LYPD8: variants seen among roughly 807,000 people sequenced by gnomAD.
LYPD8 encodes the protein LY6/PLAUR domain containing 8.
LYPD8 carries 8 observed loss-of-function variants against 1.7 expected under a neutral mutation model. That is an observed-to-expected ratio of 4.58 (90% CI 2.69 to 8.27). The LOEUF (loss-of-function observed/expected upper bound fraction) is 8.27, where lower values mean the gene tolerates loss of function less well. Ranked by LOEUF, LYPD8 falls within the 30% of genes most tolerant of loss-of-function variation. The pLI is 0.00. For synonymous variants in LYPD8, 50 were observed against 43.6 expected, an observed-to-expected ratio of 1.15 and a Z score of -0.58; for missense variants, 112 against 102.3, an observed-to-expected ratio of 1.09 and a Z score of -0.41.
In LYPD8 at chr1:248,739,627, CGAA is replaced by C. The variant is rs1286184230; in HGVS notation, c.695_697del (p.Leu232del). 5 of 1,551,524 alleles carry C rather than the reference CGAA, an allele frequency of 3.2e-6. No individual in the cohort carries two copies. The Admixed American group carries it at 5.9e-5, about 18-fold the overall frequency. ...CCCAGGACCTCAGGGCAGCAGTCCC[CGAA>C]GAAGGAGGCTGGCAAGGGCCAAGAG... On this transcript the variant is annotated inframe_deletion, in exon 7 of 7. Coordinates refer to ENST00000590317, the MANE Select transcript of LYPD8 (RefSeq NM_001085474.2). This position sits in a 1 kb window ranked among gnomAD's most constrained non-coding sequence, Gnocchi z 4.3.
intron 2 of LYPD8, among the ~76,000 whole-genome samples, chr1:248,752,885 C>T (rs1183577543): frequency 1.6e-5 from 2 of 122,788 alleles, no homozygotes; most frequent in Non-Finnish European, 3.3e-5. Flanking sequence ...CCCCACACAA[C>T]ACATACACAC....
chr1:248,743,064 A>G (rs1662645634), intron 6 of LYPD8, among the ~76,000 whole-genome samples: 1 of 150,040 alleles, frequency 6.7e-6, no homozygotes, highest in African/African-American at 2.5e-5. Flanking sequence ...GCAGCGGGGG[A>G]GGTTATGCGT....
intron 2 of LYPD8, 21 bp from the exon 3 acceptor site, chr1:248,751,151 C>T (rs1358563906): frequency 2.3e-5 from 9 of 398,564 alleles, no homozygotes; most frequent in African/African-American, 1.8e-4. Flanking sequence ...ACAAAGAAGG[C>T]AGCCCCGGGG....
Position 248,752,939 on chromosome 1 carries a change from C to T in LYPD8, c.-49-1809G>A, listed in dbSNP as rs1439790724. Among the ~76,000 whole-genome samples the T allele has an allele frequency of 2.5e-3, 254 of 101,194 alleles. 14 individuals are homozygous for T. The highest frequency in any genetic ancestry group is 0.01 in the African/African-American group (219 of 21,810). The allele number at this position is 101,194 out of a possible 152,430, so 66.4% of individuals were successfully genotyped here. A position where few individuals can be genotyped will look rare whatever the true frequency, so the allele number is the denominator to read the frequency against. On this transcript the variant is annotated intron_variant, in intron 2 of 6. Transcript: ENST00000590317. ...ACCAACACACCACATCACACACACA[C>T]CACATCACACACACACCAAACACCC...
chr1:248,750,467 C>A (rs957464966), intron 4 of LYPD8, 57 bp downstream of exon 4: 236 of 398,434 alleles, frequency 5.9e-4, no homozygotes, highest in Non-Finnish European at 7.8e-4. Flanking sequence ...ATGTCCTCTC[C>A]AGCTCCCTCC....
intron 6 of LYPD8, among the ~76,000 whole-genome samples, chr1:248,742,671 C>G (rs868964106): frequency 1.6e-4 from 7 of 43,984 alleles, no homozygotes; most frequent in African/African-American, 4.3e-4. Context: ...TGTTGGCAGC[C>G]GGGGAGATTA....
chr1:248,744,524 A>C (rs1662689401), intron 6 of LYPD8, among the ~76,000 whole-genome samples: 1 of 151,752 alleles, frequency 6.6e-6, no homozygotes, highest in Admixed American at 6.5e-5. Flanking sequence ...GTAGCGTCAA[A>C]TGTGGATCTC....
At chr1:248,752,849 AC>A (rs1662835487) in intron 2 of LYPD8, among the ~76,000 whole-genome samples, 15 of 102,088 alleles carry the variant, frequency 1.5e-4, no homozygotes, top group African/African-American at 6.5e-4. Flanking sequence ...CCACACACAC[AC>A]ACCACACCAC....
Position 248,743,073 on chromosome 1 carries a change from G to A in LYPD8, c.475+2069C>T, listed in dbSNP as rs567917010. ...ATGTTGGCAGCGGGGGAGGTTATGC[G>A]TGTCAGGTAGATGAGAAATTTCTAT... On this transcript the variant is annotated intron_variant, in intron 6 of 6. Transcript: ENST00000590317. Among the ~76,000 whole-genome samples the A allele has an allele frequency of 9.9e-5, 15 of 151,854 alleles. No individual in the cohort carries two copies. In the South Asian group the frequency reaches 1.7e-3, roughly 17 times the overall value.
intron 5 of LYPD8, among the ~76,000 whole-genome samples, chr1:248,746,540 G>C (rs1662728818): frequency 6.6e-6 from 1 of 152,262 alleles, no homozygotes; most frequent in African/African-American, 2.4e-5. Context: ...ACACAGGAAG[G>C]CAGGAAGGCT....
rs1246026966 is a variant in LYPD8 at position 248,753,368 on chromosome 1, TACACACC to T, written c.-50+1864_-50+1870del. 8.0e-3 allele frequency among the ~76,000 whole-genome samples: 340 copies of T among 42,524 alleles called. 2 individuals are homozygous for T. Among genetic ancestry groups the T allele is most frequent in the East Asian group, 0.026 (30 of 1,166 alleles). 27.9% of individuals were successfully genotyped at this position (42,524 alleles called of 152,430 possible). ...CACACCACACAACACACACATCACATACACACCACACACCACACACAACACATACACA... is the reference window on the plus strand; with the variant it reads ...CACACCACACAACACACACATCACATACACACCACACACAACACATACACA... On this transcript the variant is annotated intron_variant, in intron 2 of 6. Coordinates refer to ENST00000590317, the MANE Select transcript of LYPD8 (RefSeq NM_001085474.2).
intron 3 of LYPD8, 70 bp downstream of exon 3, chr1:248,750,960 A>G (rs1436580939): frequency 7.5e-6 from 3 of 398,498 alleles, no homozygotes; most frequent in Non-Finnish European, 1.3e-5. Context: ...GGGATTTGAG[A>G]GCAAGAAGAC....
chr1:248,753,706 CCA>C (rs1195171426), intron 2 of LYPD8, among the ~76,000 whole-genome samples: 1 of 139,886 alleles, frequency 7.1e-6, no homozygotes, highest in African/African-American at 2.7e-5. Flanking sequence ...ACCACACACC[CCA>C]CACACACACG....
At chr1:248,752,580 ACACACACACCACACACCC>A (rs1662817663) in intron 2 of LYPD8, among the ~76,000 whole-genome samples, 2 of 131,160 alleles carry the variant, frequency 1.5e-5, no homozygotes, top group African/African-American at 2.9e-5. Context: ...CACACACATC[ACACACACACCACACACCC>A]CACACACCCC....
At chr1:248,751,498 T>C (rs1455996275) in intron 2 of LYPD8, among the ~76,000 whole-genome samples, 18 of 152,068 alleles carry the variant, frequency 1.2e-4, no homozygotes, top group Admixed American at 1.2e-3. Context: ...GAGCACAATG[T>C]CCCTCCTTCA....
rs1193229923 is a variant in LYPD8, at chr1:248,739,473, G to A, written c.*138C>T. The A allele has an allele frequency of 8.4e-7, 1 of 1,184,566 alleles. No homozygotes were observed. The highest frequency in any genetic ancestry group is 1.2e-6 in the Non-Finnish European group (1 of 852,614). 73.4% of individuals were successfully genotyped at this position (1,184,566 alleles called of 1,614,324 possible). ...GAAGAACAAGGCAGCTGTCGGCATT[G>A]CCTGGAGACCTGTGACTCCCACTTA... On this transcript the variant is annotated 3_prime_UTR_variant, in exon 7 of 7. Transcript: ENST00000590317. This position sits in a 1 kb window ranked among gnomAD's most constrained non-coding sequence, Gnocchi z 4.3.
intron 4 of LYPD8, among the ~76,000 whole-genome samples, chr1:248,749,556 G>C (rs1662762630): frequency 6.6e-6 from 1 of 152,286 alleles, no homozygotes; most frequent in Admixed American, 6.5e-5. Context: ...CACGGCAGAA[G>C]GGCAAGAGAG....
At chr1:248,752,935 CACACCACAT>C (rs1662840499) in intron 2 of LYPD8, among the ~76,000 whole-genome samples, 4 of 128,238 alleles carry the variant, frequency 3.1e-5, no homozygotes, top group Non-Finnish European at 4.8e-5. Context: ...ACATCACACA[CACACCACAT>C]CACACACACA....
intron 4 of LYPD8, among the ~76,000 whole-genome samples, chr1:248,749,173 C>A (rs922362266): frequency 6.5e-4 from 99 of 152,276 alleles, no homozygotes; most frequent in African/African-American, 2.3e-3. Context: ...TGACCCATTT[C>A]TCTAACAAAC....
Sources: allele counts gnomAD v4.1 joint callset (sites outside exome capture counted in the v4.1 genomes callset), GRCh38; gene constraint gnomAD v4.1.1; non-coding constraint Gnocchi (gnomAD v3.1); transcripts MANE v1.5; gene names NCBI Gene and HGNC (gene_info 2026-07-23, HGNC 2026-07-21).